The following TRIM2 variants were observed in gnomAD, a reference collection of about 807,000 sequenced individuals.
The protein encoded by TRIM2 is tripartite motif containing 2, also known as tripartite motif-containing protein 2.
TRIM2 carries 20 observed loss-of-function variants against 75.2 expected under a neutral mutation model. The ratio of observed to expected loss-of-function variants is 0.27; its 90% CI spans 0.19 to 0.39. TRIM2 has a LOEUF of 0.39. Ranked by LOEUF, TRIM2 falls within the 10% of genes least tolerant of loss-of-function variation. The pLI, the probability that TRIM2 is intolerant of heterozygous loss-of-function variation, is 1.00. For synonymous variants in TRIM2, 373 were observed against 388.3 expected (o/e 0.96, Z 0.46); for missense variants, 660 against 990.8 (o/e 0.67, Z 4.48).
At chr4:153,305,030 T>C (rs1764689992) in intron 6 of TRIM2, among the ~76,000 whole-genome samples, 1 of 152,162 alleles carries the variant, frequency 6.6e-6, no homozygotes, top group African/African-American at 2.4e-5. Context: ...TAGAGTGATG[T>C]GATGGAGTAG....
intron 8 of TRIM2, 121 bp from the exon 9 acceptor site, chr4:153,322,527 C>A: frequency 9.6e-7 from 1 of 1,045,096 alleles, no homozygotes; most frequent in Non-Finnish European, 1.4e-6. Flanking sequence ...ATATGAGTAG[C>A]TGTGTACCCG....
intron 1 of TRIM2, among the ~76,000 whole-genome samples, chr4:153,231,711 G>C (rs761042312): frequency 1.3e-5 from 2 of 152,180 alleles, no homozygotes; most frequent in African/African-American, 4.8e-5. Flanking sequence ...CCTAGCATCC[G>C]GCTGTCCCAC....
In TRIM2 at chr4:153,248,249, G is replaced by A. The variant is rs866639181; in HGVS notation, c.31-22086G>A. On this transcript the variant is annotated intron_variant, in intron 1 of 11. Coordinates refer to ENST00000338700, the MANE Select transcript of TRIM2 (RefSeq NM_015271.5). The surrounding 1 kb of genome is among the most constrained non-coding windows in gnomAD (Gnocchi z 4.0). ...GAGCTCAGGTGATCCACCTGTCTCA[G>A]CCTCCCAAAGTGCTGAGATTACAGG... Among the ~76,000 whole-genome samples, 3 of 152,166 alleles carry A rather than the reference G, an allele frequency of 2.0e-5. No individual in the cohort carries two copies. The highest frequency in any genetic ancestry group is 6.5e-5 in the Admixed American group (1 of 15,280).
chr4:153,313,661 C>A (rs1766877141), intron 6 of TRIM2, among the ~76,000 whole-genome samples: 2 of 113,796 alleles, frequency 1.8e-5, no homozygotes, highest in African/African-American at 7.2e-5. Flanking sequence ...GAGACAGAGT[C>A]TTGCTCTGTC....
intron 1 of TRIM2, among the ~76,000 whole-genome samples, chr4:153,197,717 C>T (rs1052792332): frequency 6.6e-6 from 1 of 152,082 alleles, no homozygotes; most frequent in Non-Finnish European, 1.5e-5. Flanking sequence ...CCTAAAAATA[C>T]AAAAAGTTAG....
At chr4:153,244,356 T>TTCTTCCC in intron 1 of TRIM2, among the ~76,000 whole-genome samples, 1 of 14,344 alleles carries the variant, frequency 7.0e-5, no homozygotes, top group East Asian at 1.8e-3. Context: ...TTCTTCTTCC[T>TTCTTCCC]CTTCTTCTTC....
chr4:153,227,427 G>A (rs1398336448), intron 1 of TRIM2, among the ~76,000 whole-genome samples: 1 of 152,134 alleles, frequency 6.6e-6, no homozygotes, highest in South Asian at 2.1e-4. Flanking sequence ...GGATGAGATC[G>A]GGTCTCTTTA....
At chr4:153,182,623 G>A (rs775639265) in intron 1 of TRIM2, among the ~76,000 whole-genome samples, 2 of 152,140 alleles carry the variant, frequency 1.3e-5, no homozygotes, top group African/African-American at 4.8e-5. Flanking sequence ...ATAAACAAGA[G>A]TTCATTTCAG....
chr4:153,228,158 T>G (rs996772684), intron 1 of TRIM2, among the ~76,000 whole-genome samples: 1 of 152,204 alleles, frequency 6.6e-6, no homozygotes, highest in Non-Finnish European at 1.5e-5. Context: ...TCAGCTACTC[T>G]CTATCCATAA....
intron 1 of TRIM2, among the ~76,000 whole-genome samples, chr4:153,209,703 G>A (rs1289065556): frequency 6.6e-6 from 1 of 152,198 alleles, no homozygotes; most frequent in Non-Finnish European, 1.5e-5. Context: ...CTGACTTCAC[G>A]AACGTTACCA....
At chr4:153,324,307 C>A in intron 10 of TRIM2, 159 bp downstream of exon 10, 1 of 523,354 alleles carries the variant, frequency 1.9e-6, no homozygotes, top group Non-Finnish European at 3.2e-6. Context: ...CTTGGACTTA[C>A]AGACCTTGGA....
Position 153,295,440 on chromosome 4 carries a change from G to C in TRIM2, c.914G>C (p.Ser305Thr). ...GTCCTACTGGTGAAGAAGCAGATGA[G>C]CGAGAAGCTGAACGAGCTGGCCGAC... ...TEVLLVKKQM[S>T]EKLNELADQD... is the part of the protein sequence containing the mutation. The change falls in exon 6 of 12, where the codon AGC becomes ACC. Residue 305 changes from serine (S) to threonine (T), a missense_variant. Around this residue, in one of 2 missense-constraint regions of TRIM2, gnomAD observed 620 missense variants for 891.0 expected, o/e 0.70. Coordinates refer to ENST00000338700, the MANE Select transcript of TRIM2 (RefSeq NM_015271.5). The surrounding 1 kb of genome is among the most constrained non-coding windows in gnomAD (Gnocchi z 7.2). The C allele has an allele frequency of 6.2e-7, 1 of 1,614,242 alleles. No homozygotes were observed. The highest frequency in any genetic ancestry group is 1.3e-5 in the African/African-American group (1 of 75,078).
chr4:153,326,647 G>C (rs1770233918), intron 10 of TRIM2, among the ~76,000 whole-genome samples: 1 of 152,194 alleles, frequency 6.6e-6, no homozygotes, highest in Admixed American at 6.5e-5. Context: ...AAAACTACTT[G>C]AGTCATTTGG....
At chr4:153,328,503 A>C in intron 10 of TRIM2, 27 bp from the exon 11 acceptor site, 3 of 1,581,154 alleles carry the variant, frequency 1.9e-6, no homozygotes, top group Non-Finnish European at 2.6e-6. Flanking sequence ...GATGTAAAAC[A>C]AAATAATTTA....
intron 1 of TRIM2, among the ~76,000 whole-genome samples, chr4:153,244,349 T>TTCTTCTTCCTCTTCC (rs1560874169): frequency 3.3e-5 from 1 of 30,476 alleles, no homozygotes; most frequent in Non-Finnish European, 5.2e-5. Context: ...CTTCTTCTTC[T>TTCTTCTTCCTCTTCC]TCTTCCTCTT....
intron 1 of TRIM2, among the ~76,000 whole-genome samples, chr4:153,190,062 A>G (rs1045263618): frequency 1.4e-4 from 21 of 152,244 alleles, no homozygotes; most frequent in African/African-American, 5.1e-4. Context: ...CCTGTAATAA[A>G]ATCTAAGTTT....
intron 1 of TRIM2, among the ~76,000 whole-genome samples, chr4:153,181,371 G>A (rs539090726): frequency 1.3e-5 from 2 of 152,178 alleles, no homozygotes; most frequent in Admixed American, 1.3e-4. Context: ...CCTGGTCACA[G>A]TTTCAGGAGA....
At chr4:153,199,888 C>T (rs913353272), upstream of TRIM2, among the ~76,000 whole-genome samples, 5 of 151,760 alleles carry the variant, frequency 3.3e-5, no homozygotes, top group African/African-American at 1.2e-4. Flanking sequence ...ATCCTCCCGC[C>T]TCAGCCTCTG....
chr4:153,161,320 T>C (rs535097475), intron 1 of TRIM2, among the ~76,000 whole-genome samples: 8 of 152,336 alleles, frequency 5.3e-5, no homozygotes, highest in African/African-American at 9.6e-5. Flanking sequence ...CCTCCATGAA[T>C]TGAACGTACG....
Sources: allele counts gnomAD v4.1 joint callset (sites outside exome capture counted in the v4.1 genomes callset), GRCh38; gene constraint gnomAD v4.1.1; regional missense constraint gnomAD v4.1.1; non-coding constraint Gnocchi (gnomAD v3.1); transcripts MANE v1.5; gene names NCBI Gene and HGNC (gene_info 2026-07-23, HGNC 2026-07-21).